The following FSTL4 variants were observed in gnomAD, a reference collection of about 807,000 sequenced individuals.
FSTL4 encodes the protein follistatin like 4.
A neutral mutation model predicts 78.2 loss-of-function variants in FSTL4; 28 were observed. That is an observed-to-expected ratio of 0.36 (90% CI 0.27 to 0.49). FSTL4 has a LOEUF of 0.49. Ranked by LOEUF, FSTL4 falls within the 20% of genes least tolerant of loss-of-function variation. The pLI, the probability that FSTL4 is intolerant of heterozygous loss-of-function variation, is 0.98. For synonymous variants in FSTL4, 422 were observed against 440.5 expected (o/e 0.96, Z 0.53); for missense variants, 922 against 1,084.9 (o/e 0.85, Z 2.11).
At chr5:133,824,978 C>T in the FSTL4 span, among the ~76,000 whole-genome samples, 2 of 152,270 alleles carry the variant, frequency 1.3e-5, no homozygotes, top group South Asian at 4.2e-4. Flanking sequence ...CCACAGCTTC[C>T]TGCCCACCTT....
At chr5:133,495,240 G>C (rs556393972) in intron 3 of FSTL4, among the ~76,000 whole-genome samples, 1 of 152,164 alleles carries the variant, frequency 6.6e-6, no homozygotes, top group Admixed American at 6.5e-5. Context: ...AGGCCTCTGC[G>C]GGGAAGGGCT....
At chr5:133,438,203 G>A (rs111499468) in intron 3 of FSTL4, among the ~76,000 whole-genome samples, 30 of 152,264 alleles carry the variant, frequency 2.0e-4, no homozygotes, top group Admixed American at 1.4e-3. Context: ...TTTTGCCTTC[G>A]ACATGAACAA....
At chr5:133,816,431 A>G in the FSTL4 span, among the ~76,000 whole-genome samples, 1 of 152,224 alleles carries the variant, frequency 6.6e-6, no homozygotes, top group Non-Finnish European at 1.5e-5. Flanking sequence ...TGGTTTGCTC[A>G]GCACGACTCT....
chr5:133,273,911 C>T (rs943816898), intron 6 of FSTL4, among the ~76,000 whole-genome samples: 2 of 152,170 alleles, frequency 1.3e-5, no homozygotes, highest in African/African-American at 4.8e-5. Flanking sequence ...TTCTGTGCCT[C>T]CAGCAGGAGA....
At chr5:133,644,314 G>T in the FSTL4 span, among the ~76,000 whole-genome samples, 3 of 149,266 alleles carry the variant, frequency 2.0e-5, no homozygotes, top group Non-Finnish European at 3.0e-5. Flanking sequence ...TTTTGTGTGT[G>T]TTTTTTTTTT....
intron 4 of FSTL4, among the ~76,000 whole-genome samples, chr5:133,375,291 C>CATATATATATACATATATATATATAT (rs1755403836): frequency 1.7e-5 from 1 of 57,918 alleles, no homozygotes; most frequent in Non-Finnish European, 4.6e-5. Context: ...GTGTGCATGG[C>CATATATATATACATATATATATATAT]ATATATATAT....
At chr5:133,294,928 G>A (rs1398352933) in intron 6 of FSTL4, among the ~76,000 whole-genome samples, 2 of 152,136 alleles carry the variant, frequency 1.3e-5, no homozygotes, top group African/African-American at 4.8e-5. Context: ...CTCCAGCCCT[G>A]GTGAAATCTG....
the FSTL4 span, among the ~76,000 whole-genome samples, chr5:133,723,315 A>C: frequency 6.6e-6 from 1 of 152,170 alleles, no homozygotes; most frequent in African/African-American, 2.4e-5. Context: ...CTGGAGAAGA[A>C]GACGTACTCC....
chr5:133,270,854 G>T (rs1752752234), intron 6 of FSTL4, among the ~76,000 whole-genome samples: 1 of 152,198 alleles, frequency 6.6e-6, no homozygotes, highest in South Asian at 2.1e-4. Context: ...GTCTAGGGTT[G>T]CATAGTCATA....
In FSTL4 at chr5:133,254,525, T is replaced by C. The variant is rs184229586; in HGVS notation, c.728-4949A>G. Reference sequence around the variant, plus strand: ...GGTAAAATGGCTAATGGAAAGGGTATATTGGGCAGATTGACACCCTATGAC... The same window carrying C: ...GGTAAAATGGCTAATGGAAAGGGTACATTGGGCAGATTGACACCCTATGAC... On this transcript the variant is annotated intron_variant, in intron 6 of 15. Coordinates refer to ENST00000265342, the MANE Select transcript of FSTL4 (RefSeq NM_015082.2). 8.5e-5 allele frequency among the ~76,000 whole-genome samples: 13 copies of C among 152,228 alleles called. No individual in the cohort carries two copies. The East Asian group carries it at 2.3e-3, about 27-fold the overall frequency.
At chr5:133,666,759 C>T in the FSTL4 span, among the ~76,000 whole-genome samples, 1 of 152,116 alleles carries the variant, frequency 6.6e-6, no homozygotes, top group Non-Finnish European at 1.5e-5. Context: ...CTCTCTTATT[C>T]AGAATCAAAA....
At chr5:133,749,842 A>G in the FSTL4 span, among the ~76,000 whole-genome samples, 1 of 152,246 alleles carries the variant, frequency 6.6e-6, no homozygotes, top group Non-Finnish European at 1.5e-5. Flanking sequence ...CCTGAGCCTT[A>G]GAAATGACTT....
chr5:133,701,510 C>CACACACACA, the FSTL4 span, among the ~76,000 whole-genome samples: 15 of 48,432 alleles, frequency 3.1e-4, no homozygotes, highest in African/African-American at 1.4e-3. Context: ...CACACACACA[C>CACACACACA]CCCACAGGCC....
At chr5:133,714,602 G>A in the FSTL4 span, among the ~76,000 whole-genome samples, 3 of 152,156 alleles carry the variant, frequency 2.0e-5, no homozygotes, top group Non-Finnish European at 2.9e-5. Context: ...TCTAAGCTTC[G>A]TAAAACTTCT....
intron 3 of FSTL4, 72 bp from the exon 4 acceptor site, chr5:133,401,058 A>G: frequency 1.9e-6 from 3 of 1,550,884 alleles, no homozygotes; most frequent in Non-Finnish European, 2.6e-6. Flanking sequence ...CTTCCTTTGT[A>G]GCTCACAAGC....
the FSTL4 span, among the ~76,000 whole-genome samples, chr5:133,834,810 A>G: frequency 2.0e-5 from 3 of 152,100 alleles, no homozygotes; most frequent in South Asian, 2.1e-4. Flanking sequence ...AATAACATGT[A>G]TAGTTAGATC....
chr5:133,838,358 T>C, the FSTL4 span, among the ~76,000 whole-genome samples: 2 of 152,204 alleles, frequency 1.3e-5, no homozygotes, highest in African/African-American at 4.8e-5. Flanking sequence ...ACAAAGTCAA[T>C]CATTTATTAT....
intron 3 of FSTL4, among the ~76,000 whole-genome samples, chr5:133,516,660 C>T (rs1196891153): frequency 1.3e-5 from 2 of 152,122 alleles, no homozygotes; most frequent in Non-Finnish European, 2.9e-5. Flanking sequence ...CAAATTCACT[C>T]ATGTGGAAAA....
At chr5:133,380,785 A>C (rs1755548875) in intron 4 of FSTL4, among the ~76,000 whole-genome samples, 1 of 149,946 alleles carries the variant, frequency 6.7e-6, no homozygotes, top group African/African-American at 2.4e-5. Flanking sequence ...ATACTAGCAA[A>C]CCATATCCAG....
Sources: allele counts gnomAD v4.1 joint callset (sites outside exome capture counted in the v4.1 genomes callset), GRCh38; gene constraint gnomAD v4.1.1; transcripts MANE v1.5; gene names NCBI Gene and HGNC (gene_info 2026-07-23, HGNC 2026-07-21).